PDE4D: variants seen among roughly 807,000 people sequenced by gnomAD.
PDE4D encodes the protein phosphodiesterase 4D, also known as 3',5'-cyclic-AMP phosphodiesterase 4D.
Under a neutral mutation model 87.4 loss-of-function variants are expected in PDE4D, and 24 were observed. That is an observed-to-expected ratio of 0.27 (90% CI 0.20 to 0.39). PDE4D has a LOEUF of 0.39. PDE4D is among the 10% of genes least tolerant of loss of function. The probability of loss-of-function intolerance (pLI) is 1.00; values close to 1 mark genes in which losing one functional copy is unlikely to be tolerated. For missense variants in PDE4D, 714 were observed against 1,041.0 expected (o/e 0.69, Z 4.32); for synonymous variants, 384 against 383.2 (o/e 1.00, Z -0.02).
chr5:59,316,569 TCA>T (rs1388314823), intron 1 of PDE4D, among the ~76,000 whole-genome samples: 1 of 152,144 alleles, frequency 6.6e-6, no homozygotes, highest in Non-Finnish European at 1.5e-5. Flanking sequence ...TAAACTGTAC[TCA>T]CATGTTCAGA....
At chr5:59,917,884 A>T (rs1165339440) in intron 3 of PDE4D, among the ~76,000 whole-genome samples, 4 of 152,092 alleles carry the variant, frequency 2.6e-5, no homozygotes, top group Non-Finnish European at 1.5e-5. Flanking sequence ...TTAAAATAAT[A>T]TAGAATAAAA....
At chr5:59,843,077 AT>A (rs1743262614) in intron 1 of PDE4D, among the ~76,000 whole-genome samples, 2 of 151,914 alleles carry the variant, frequency 1.3e-5, no homozygotes, top group African/African-American at 4.8e-5. Context: ...AAATTTATTT[AT>A]TTATTTTTTT....
At chr5:59,132,706 A>C (rs1294726865) in intron 5 of PDE4D, among the ~76,000 whole-genome samples, 1 of 152,178 alleles carries the variant, frequency 6.6e-6, no homozygotes, top group Non-Finnish European at 1.5e-5. Flanking sequence ...CCTTTAAGAC[A>C]TGTTGATAAT....
rs373258556 is a variant in PDE4D at position 60,014,366 on chromosome 5, AC to A, written c.43-25650del. Among the ~76,000 whole-genome samples the A allele has an allele frequency of 1.6e-4, 25 of 152,272 alleles. No individual in the cohort carries two copies. In the South Asian group the frequency reaches 4.8e-3, roughly 29 times the overall value. Reference sequence around the variant, plus strand: ...CTGTTATTTTAATCCACAAAGTCCAACTCAGGACTTGCTGGCTTAGAAAATA... The same window carrying A: ...CTGTTATTTTAATCCACAAAGTCCAATCAGGACTTGCTGGCTTAGAAAATA... On this transcript the variant is annotated intron_variant, in intron 2 of 16. Coordinates refer to the PDE4D transcript ENST00000502484.
chr5:59,756,716 G>A (rs1212982711), intron 1 of PDE4D, among the ~76,000 whole-genome samples: 1 of 151,226 alleles, frequency 6.6e-6, no homozygotes, highest in Non-Finnish European at 1.5e-5. Flanking sequence ...TTTCTCAATC[G>A]ATCAAAAAAC....
intron 2 of PDE4D, among the ~76,000 whole-genome samples, chr5:59,990,062 G>T (rs1762851385): frequency 6.6e-6 from 1 of 152,252 alleles, no homozygotes; most frequent in African/African-American, 2.4e-5. Flanking sequence ...AGGTGAAGAA[G>T]TTTATATTTC....
intron 2 of PDE4D, among the ~76,000 whole-genome samples, chr5:60,049,450 TAG>T (rs1769796848): frequency 6.6e-6 from 1 of 152,246 alleles, no homozygotes; most frequent in South Asian, 2.1e-4. Flanking sequence ...CTCTGCTTTT[TAG>T]AGTTTCCAGT....
At chr5:59,990,465 C>G (rs1211206640) in intron 2 of PDE4D, among the ~76,000 whole-genome samples, 1 of 152,024 alleles carries the variant, frequency 6.6e-6, no homozygotes, top group Non-Finnish European at 1.5e-5. Flanking sequence ...ATGGTGGACT[C>G]TATCCAACCT....
intron 1 of PDE4D, among the ~76,000 whole-genome samples, chr5:59,757,417 T>A (rs528961157): frequency 7.2e-5 from 11 of 152,266 alleles, no homozygotes; most frequent in Admixed American, 6.5e-4. Flanking sequence ...ACAACAATAT[T>A]AGCTTCTAGT....
chr5:60,324,278 G>T (rs1352172732), intron 1 of PDE4D, among the ~76,000 whole-genome samples: 1 of 152,184 alleles, frequency 6.6e-6, no homozygotes. Flanking sequence ...GTAAGAGATT[G>T]TTTGTCTAAC....
At chr5:59,391,481 C>T (rs1380166422) in intron 1 of PDE4D, among the ~76,000 whole-genome samples, 1 of 152,080 alleles carries the variant, frequency 6.6e-6, no homozygotes, top group Non-Finnish European at 1.5e-5. Context: ...GTAGTGAGAA[C>T]AACAATGAGA....
chr5:59,787,167 T>C (rs1334550584), intron 1 of PDE4D, among the ~76,000 whole-genome samples: 2 of 152,230 alleles, frequency 1.3e-5, no homozygotes, highest in African/African-American at 2.4e-5. Flanking sequence ...ATAACCTTGA[T>C]TTCTTCCTCT....
chr5:60,217,807 A>G (rs1446346819), intron 1 of PDE4D, among the ~76,000 whole-genome samples: 4 of 151,986 alleles, frequency 2.6e-5, no homozygotes, highest in African/African-American at 9.7e-5. Flanking sequence ...ATAGGATATT[A>G]TTATTAATTA....
intron 1 of PDE4D, among the ~76,000 whole-genome samples, chr5:59,546,500 G>A (rs1168826002): frequency 6.6e-6 from 1 of 152,070 alleles, no homozygotes; most frequent in Non-Finnish European, 1.5e-5. Flanking sequence ...AATTGGATTG[G>A]ATATGAACAG....
intron 1 of PDE4D, among the ~76,000 whole-genome samples, chr5:59,237,784 TG>T (rs1358765995): frequency 5.6e-4 from 3 of 5,398 alleles, no homozygotes. Flanking sequence ...CTCATATAGG[TG>T]TGTGTGTGTG....
chr5:59,010,066 C>T (rs1561294963), intron 6 of PDE4D, among the ~76,000 whole-genome samples: 1 of 152,194 alleles, frequency 6.6e-6, no homozygotes, highest in Non-Finnish European at 1.5e-5. Context: ...TGGCTCATGC[C>T]TGTAATCCTA....
chr5:59,632,815 G>T (rs1831741847), intron 1 of PDE4D, among the ~76,000 whole-genome samples: 1 of 152,172 alleles, frequency 6.6e-6, no homozygotes, highest in Admixed American at 6.5e-5. Flanking sequence ...CCAAAAAACA[G>T]AATGCCTCTT....
chr5:59,384,095 G>A (rs1420014367), intron 1 of PDE4D, among the ~76,000 whole-genome samples: 4 of 151,648 alleles, frequency 2.6e-5, no homozygotes, highest in African/African-American at 4.9e-5. Flanking sequence ...TTGAGGAGAC[G>A]GTGTCTTGCC....
intron 1 of PDE4D, among the ~76,000 whole-genome samples, chr5:59,636,543 T>C (rs2150171520): frequency 6.6e-6 from 1 of 152,264 alleles, no homozygotes; most frequent in African/African-American, 2.4e-5. Flanking sequence ...ATGCTACTGG[T>C]ACCAAAACAG....
Sources: gnomAD v4.1 joint callset for allele counts (sites outside exome capture counted in the v4.1 genomes callset) on GRCh38, gnomAD v4.1.1 for gene constraint, MANE v1.5 for transcripts, NCBI Gene and HGNC (gene_info 2026-07-23, HGNC 2026-07-21) for gene names.